The following RSPO2 variants were observed in gnomAD, a reference collection of about 807,000 sequenced individuals.
RSPO2 encodes the protein R-spondin 2.
In RSPO2, 14 loss-of-function variants were observed where a neutral mutation model predicts 30.9. The observed-to-expected ratio is 0.45, with a 90% CI of 0.30 to 0.71. The LOEUF is 0.71. Ranked by LOEUF, RSPO2 falls within the 30% of genes least tolerant of loss-of-function variation. The probability of loss-of-function intolerance (pLI) is 0.08; values close to 1 mark genes in which losing one functional copy is unlikely to be tolerated. For missense variants in RSPO2, 264 were observed against 301.9 expected (o/e 0.87, Z 0.93); for synonymous variants, 107 against 96.4 (o/e 1.11, Z -0.64).
chr8:108,000,574 A>G (rs1334739875), intron 2 of RSPO2, among the ~76,000 whole-genome samples: 2 of 152,118 alleles, frequency 1.3e-5, no homozygotes, highest in Non-Finnish European at 2.9e-5. Context: ...GCTTAGCACC[A>G]CAGAGAGAGG....
At chr8:107,942,403 T>C (rs1269773951) in intron 5 of RSPO2, among the ~76,000 whole-genome samples, 1 of 152,212 alleles carries the variant, frequency 6.6e-6, no homozygotes, top group Non-Finnish European at 1.5e-5. Flanking sequence ...AGATACAGTG[T>C]TATCACATAG....
chr8:108,057,055 C>CAAAAAAAAAAAAAA (rs56727719), intron 2 of RSPO2, among the ~76,000 whole-genome samples: 23 of 36,082 alleles, frequency 6.4e-4, no homozygotes, highest in East Asian at 1.6e-3. Context: ...GACTCTGTCT[C>CAAAAAAAAAAAAAA]AAAAAAAAAA....
chr8:107,981,906 C>T (rs190755949), intron 3 of RSPO2, among the ~76,000 whole-genome samples: 1 of 149,942 alleles, frequency 6.7e-6, no homozygotes, highest in East Asian at 2.0e-4. Flanking sequence ...TAGTGGCACA[C>T]GACTGTAGTC....
chr8:107,951,239 A>G (rs1813237038), intron 5 of RSPO2, among the ~76,000 whole-genome samples: 1 of 151,918 alleles, frequency 6.6e-6, no homozygotes, highest in Admixed American at 6.6e-5. Context: ...TATTTTTAGT[A>G]CAGAGTTTCA....
intron 5 of RSPO2, among the ~76,000 whole-genome samples, chr8:107,927,775 G>C (rs565972514): frequency 6.6e-6 from 1 of 152,200 alleles, no homozygotes; most frequent in African/African-American, 2.4e-5. Context: ...TAAGCTTTTT[G>C]ATGTACTGCT....
At chr8:107,903,470 C>A (rs1811542973) in intron 5 of RSPO2, among the ~76,000 whole-genome samples, 1 of 151,852 alleles carries the variant, frequency 6.6e-6, no homozygotes, top group Non-Finnish European at 1.5e-5. Flanking sequence ...TTTCATTTAC[C>A]CAATATATTA....
chr8:108,046,033 C>G (rs1282639188), intron 2 of RSPO2, among the ~76,000 whole-genome samples: 1 of 152,030 alleles, frequency 6.6e-6, no homozygotes, highest in Admixed American at 6.6e-5. Flanking sequence ...TCTTAGAGAG[C>G]CAAAAAGCCA....
At chr8:108,052,236 A>G (rs1173536111) in intron 2 of RSPO2, among the ~76,000 whole-genome samples, 1 of 152,162 alleles carries the variant, frequency 6.6e-6, no homozygotes, top group African/African-American at 2.4e-5. Flanking sequence ...TACCTTAGCT[A>G]GCAAAATTTG....
At chr8:108,015,832 C>A (rs1198784108) in intron 2 of RSPO2, among the ~76,000 whole-genome samples, 1 of 152,164 alleles carries the variant, frequency 6.6e-6, no homozygotes, top group African/African-American at 2.4e-5. Flanking sequence ...TGGATAAAAT[C>A]TGTTTTTAAT....
Position 108,019,812 on chromosome 8 carries a change from G to GT in RSPO2, c.95-30569dup, listed in dbSNP as rs1445003663. On this transcript the variant is annotated intron_variant, in intron 2 of 5. Coordinates refer to ENST00000276659, the MANE Select transcript of RSPO2 (RefSeq NM_178565.5). The stretch of plus-strand genomic sequence containing the variant: ...AGTAGTCCCTTATGGGGATATGATG[G>GT]TTTTTTCCAAATGTTCTTTAAAAGG... Among the ~76,000 whole-genome samples, 5 of 152,102 alleles carry GT rather than the reference G, an allele frequency of 3.3e-5. No homozygotes were observed. The South Asian group carries it at 6.2e-4, about 19-fold the overall frequency.
chr8:107,923,405 G>A (rs749582096), intron 5 of RSPO2, among the ~76,000 whole-genome samples: 2 of 151,948 alleles, frequency 1.3e-5, no homozygotes, highest in African/African-American at 4.8e-5. Context: ...TTTACTAAAA[G>A]GTCAAAAAAT....
chr8:108,059,453 A>C (rs1415004708), intron 2 of RSPO2, among the ~76,000 whole-genome samples: 4 of 151,624 alleles, frequency 2.6e-5, no homozygotes, highest in Non-Finnish European at 5.9e-5. Flanking sequence ...GCGATTCCTC[A>C]GGGATCTAGA....
At chr8:108,068,550 A>G (rs1812741687) in intron 2 of RSPO2, among the ~76,000 whole-genome samples, 2 of 152,210 alleles carry the variant, frequency 1.3e-5, no homozygotes, top group South Asian at 4.1e-4. Context: ...TATGGGTTGC[A>G]TTGTGTACTC....
At position 107,990,789 on chromosome 8, in the gene RSPO2, C is replaced by A. The variant is rs146712668; in HGVS notation, c.95-1545G>T. On this transcript the variant is annotated intron_variant, in intron 2 of 5. Coordinates refer to ENST00000276659, the MANE Select transcript of RSPO2 (RefSeq NM_178565.5). Reference sequence around the variant, plus strand: ...TAACAAAGCTGGAGGCATCATGCTACCTGACTTCAAACTATACTACAGAGC... The same window carrying A: ...TAACAAAGCTGGAGGCATCATGCTAACTGACTTCAAACTATACTACAGAGC... 1.1e-3 allele frequency among the ~76,000 whole-genome samples: 165 copies of A among 152,280 alleles called. No homozygotes were observed. In the East Asian group the frequency reaches 0.023, roughly 21 times the overall value.
chr8:108,047,921 T>G (rs1405449179), intron 2 of RSPO2, among the ~76,000 whole-genome samples: 1 of 151,046 alleles, frequency 6.6e-6, no homozygotes, highest in Non-Finnish European at 1.5e-5. Flanking sequence ...TCATTCGAGG[T>G]AATGGGGCAG....
chr8:108,008,797 A>AAAT (rs1554581513), intron 2 of RSPO2, among the ~76,000 whole-genome samples: 21 of 151,488 alleles, frequency 1.4e-4, no homozygotes, highest in African/African-American at 3.4e-4. Context: ...CAAAAAAAAA[A>AAAT]AAATAAAGAA....
chr8:108,062,566 A>T (rs1379079036), intron 2 of RSPO2, among the ~76,000 whole-genome samples: 2 of 151,848 alleles, frequency 1.3e-5, no homozygotes, highest in Non-Finnish European at 2.9e-5. Context: ...AAAAAAGTCC[A>T]GGACCAGTTG....
intron 3 of RSPO2, chr8:107,983,910 C>G: frequency 7.8e-7 from 1 of 1,284,074 alleles, no homozygotes; most frequent in Non-Finnish European, 1.1e-6. Flanking sequence ...GATTTTCCAT[C>G]TACAGAACTT....
intron 5 of RSPO2, among the ~76,000 whole-genome samples, chr8:107,933,042 T>C (rs183945049): frequency 5.8e-4 from 89 of 152,288 alleles, no homozygotes; most frequent in African/African-American, 2.1e-3. Context: ...GAGAGCCTTC[T>C]CTCTATCCCT....
Sources: gnomAD v4.1 joint callset for allele counts (sites outside exome capture counted in the v4.1 genomes callset) on GRCh38, gnomAD v4.1.1 for gene constraint, MANE v1.5 for transcripts, NCBI Gene and HGNC (gene_info 2026-07-23, HGNC 2026-07-21) for gene names.